The following FBN3 variants were observed in gnomAD, a reference collection of about 807,000 sequenced individuals.
The protein encoded by FBN3 is fibrillin-3.
In FBN3, 234 loss-of-function variants were observed where a neutral mutation model predicts 330.1. That is an observed-to-expected ratio of 0.71 (90% confidence interval 0.64 to 0.79). The LOEUF (loss-of-function observed/expected upper bound fraction) is 0.79, where lower values mean the gene tolerates loss of function less well. Ranked by LOEUF, FBN3 falls within the 30% of genes least tolerant of loss-of-function variation. FBN3 has a pLI of 0.00. For missense variants in FBN3, 3,606 were observed against 3,886.9 expected (o/e 0.93, Z 1.92); for synonymous variants, 1,458 against 1,517.3 (o/e 0.96, Z 0.91).
chr19:8,105,255 T>C (rs2082414301), intron 38 of FBN3, among the ~76,000 whole-genome samples: 1 of 151,394 alleles, frequency 6.6e-6, no homozygotes, highest in South Asian at 2.1e-4. Flanking sequence ...GCCCAGTCTT[T>C]TTTTTCTTTT....
intron 13 of FBN3, 25 bp downstream of exon 13, chr19:8,135,936 G>GGGGGGGGGGGGGGGGGGGGGGGGCCCCC: frequency 4.5e-6 from 3 of 668,776 alleles, no homozygotes; most frequent in South Asian, 1.6e-5. Context: ...GGAAGCCCCT[G>GGGGGGGGGGGGGGGGGGGGGGGGCCCCC]CCCACCCGCC....
rs997965759 is a variant in FBN3, at chr19:8,067,123, C to CTTTTTTTTTTTTTTTTTT, written c.8089-864_8089-863insAAAAAAAAAAAAAAAAAA. ...GGACAGGATTTCTTTGTTTCTTCTT[C>CTTTTTTTTTTTTTTTTTT]TTTTTCTTTTTTTTTTTTTTTTGAG... On this transcript the variant is annotated intron_variant, in intron 63 of 63. Transcript: ENST00000600128. Among the ~76,000 whole-genome samples, 2 of 147,424 alleles carry CTTTTTTTTTTTTTTTTTT rather than the reference C, an allele frequency of 1.4e-5. 1 individual carries two copies. Among genetic ancestry groups the CTTTTTTTTTTTTTTTTTT allele is most frequent in the Non-Finnish European group, 3.0e-5 (2 of 66,566 alleles).
intron 13 of FBN3, among the ~76,000 whole-genome samples, chr19:8,134,512 C>G (rs1313142652): frequency 6.6e-6 from 1 of 152,010 alleles, no homozygotes; most frequent in Admixed American, 6.5e-5. Flanking sequence ...CCCCAGGGCC[C>G]CTCCCTGGGG....
intron 5 of FBN3, 141 bp downstream of exon 5, chr19:8,145,702 A>ATT: frequency 1.9e-6 from 1 of 536,030 alleles, no homozygotes; most frequent in Non-Finnish European, 3.3e-6. Context: ...AAAAAAAAAG[A>ATT]GACTGTGGCA....
intron 59 of FBN3, among the ~76,000 whole-genome samples, chr19:8,077,786 A>G (rs2081675445): frequency 6.6e-6 from 1 of 151,826 alleles, no homozygotes; most frequent in Non-Finnish European, 1.5e-5. Flanking sequence ...TCTGGCCAGA[A>G]GAAATGTCTG....
intron 18 of FBN3, among the ~76,000 whole-genome samples, chr19:8,128,053 T>C (rs937380144): frequency 1.3e-5 from 2 of 152,158 alleles, no homozygotes; most frequent in Non-Finnish European, 2.9e-5. Flanking sequence ...AACAGCCAGA[T>C]GGAAGAGATG....
chr19:8,089,924 C>A lies in FBN3; in HGVS notation c.6220G>T (p.Ala2074Ser). The A allele has an allele frequency of 6.2e-7, 1 of 1,606,826 alleles. No homozygotes were observed. Among genetic ancestry groups the A allele is most frequent in the Non-Finnish European group, 8.5e-7 (1 of 1,177,384 alleles). Reference sequence around the variant, plus strand: ...CGGGAGTCATCCGGGCCTGGGACTGCCCCGTGGCCAAAGGGGCAGAGCTCC... The same window carrying A: ...CGGGAGTCATCCGGGCCTGGGACTGACCCGTGGCCAAAGGGGCAGAGCTCC... ...FQELCPFGHG[A>S]VPGPDDSRED... Residue 2074 changes from alanine to serine, a missense_variant, in exon 50 of 64, where the codon GCA becomes TCA. Physicochemically the swap from Ala to Ser is moderately conservative, Grantham distance 99 (BLOSUM62 1). Transcript: ENST00000600128.
Position 8,096,716 on chromosome 19 carries a change from G to T in FBN3, c.5414-147C>A, listed in dbSNP as rs571423767. The T allele has an allele frequency of 2.6e-5, 34 of 1,311,930 alleles. No homozygotes were observed. The African/African-American group carries it at 4.5e-4, about 18-fold the overall frequency. 81.3% of individuals were successfully genotyped at this position (1,311,930 alleles called of 1,614,324 possible). The stretch of plus-strand genomic sequence containing the variant: ...GGCGTCAGGCTGTCTGCATGGACCT[G>T]AGCTCTCACCTCTATCACATCCTAT... On this transcript the variant is annotated intron_variant, in intron 43 of 63. Coordinates refer to ENST00000600128, the MANE Select transcript of FBN3 (RefSeq NM_032447.5). The surrounding 1 kb of genome is among the most constrained non-coding windows in gnomAD (Gnocchi z 4.6).
At position 8,103,674 on chromosome 19, in the gene FBN3, G is replaced by A; in HGVS notation, c.4827C>T (p.Cys1609=). 2 of 1,613,392 alleles carry A rather than the reference G, an allele frequency of 1.2e-6. No homozygotes were observed. Among genetic ancestry groups the A allele is most frequent in the Non-Finnish European group, 1.7e-6 (2 of 1,179,528 alleles). The part of the protein sequence containing the change: ...HTRICEDIDE[C]STHSGICGPG... ...GGCCACAGATGCCGGAGTGTGTGGA[G>A]CATTCGTCAATATCTGCAGGGAAAG... Residue 1609 remains cysteine (C), a synonymous_variant, in exon 39 of 64, where the codon TGC becomes TGT. Coordinates refer to ENST00000600128, the MANE Select transcript of FBN3 (RefSeq NM_032447.5).
At chr19:8,142,594 C>T (rs2145045795) in intron 6 of FBN3, among the ~76,000 whole-genome samples, 1 of 152,248 alleles carries the variant, frequency 6.6e-6, no homozygotes, top group African/African-American at 2.4e-5. Context: ...CATCACATCC[C>T]CAATCCCCAT....
At chr19:8,085,309 G>T in intron 56 of FBN3, 54 bp downstream of exon 56, 1 of 1,479,308 alleles carries the variant, frequency 6.8e-7, no homozygotes. Flanking sequence ...ATGACCCTGA[G>T]CAAACTCCCC....
Position 8,100,957 on chromosome 19 carries a change from A to G in FBN3, c.5105T>C (p.Leu1702Pro). 1.9e-6 allele frequency: 3 copies of G among 1,613,776 alleles called. No individual in the cohort carries two copies. The highest frequency in any genetic ancestry group is 2.5e-6 in the Non-Finnish European group (3 of 1,179,858). Residue 1702 changes from leucine to proline, a missense_variant, in exon 41 of 64, where the codon CTG becomes CCG. Coordinates refer to ENST00000600128, the MANE Select transcript of FBN3 (RefSeq NM_032447.5). The stretch of plus-strand genomic sequence containing the variant: ...GAATCCCGGGGCCTGATTTCCACAC[A>G]GGATCTGGTAGTCAGCTGCGCAAAG... ...PTPISPDYQI[L>P]CGNQAPGFLT... is the part of the protein sequence containing the mutation.
chr19:8,087,015 T>C, intron 54 of FBN3, 62 bp downstream of exon 54: 1 of 1,561,474 alleles, frequency 6.4e-7, no homozygotes, highest in South Asian at 1.2e-5. Context: ...CCAACCCTCT[T>C]GCTTTGACCT....
At chr19:8,085,803 G>C (rs889398675) in intron 55 of FBN3, among the ~76,000 whole-genome samples, 7 of 152,028 alleles carry the variant, frequency 4.6e-5, no homozygotes, top group Non-Finnish European at 7.4e-5. Context: ...TAAGTTGGAG[G>C]AGGCATGGAG....
intron 57 of FBN3, 122 bp from the exon 58 acceptor site, chr19:8,081,602 A>G: frequency 8.5e-7 from 1 of 1,171,868 alleles, no homozygotes; most frequent in Non-Finnish European, 1.2e-6. Flanking sequence ...ACAGGAATGA[A>G]CACTTCTTTC....
At chr19:8,107,016 G>A (rs1033661973) in intron 37 of FBN3, among the ~76,000 whole-genome samples, 4 of 150,440 alleles carry the variant, frequency 2.7e-5, no homozygotes, top group Non-Finnish European at 4.4e-5. Context: ...ATGAAGGATG[G>A]GGGGTGGATG....
intron 13 of FBN3, among the ~76,000 whole-genome samples, chr19:8,134,412 C>T (rs1054585359): frequency 6.6e-6 from 1 of 152,176 alleles, no homozygotes; most frequent in Admixed American, 6.5e-5. Flanking sequence ...CATTATTCGG[C>T]CATGAAAAAG....
rs1412507350 is a variant in FBN3, at chr19:8,130,666, A to G, written c.2044+569T>C. On this transcript the variant is annotated intron_variant, in intron 16 of 63. Coordinates refer to ENST00000600128, the MANE Select transcript of FBN3 (RefSeq NM_032447.5). ...AAAGGAAAGGAAAGGAAAGGAAAAG[A>G]AAAGAAAAGAAAAGAAAAGAAAAGA... Among the ~76,000 whole-genome samples, 4 of 114,050 alleles carry G rather than the reference A, an allele frequency of 3.5e-5. 1 individual carries two copies. The highest frequency in any genetic ancestry group is 1.1e-4 in the African/African-American group (3 of 26,316). The allele number at this position is 114,050 out of a possible 152,430, so 74.8% of individuals were successfully genotyped here. A position where few individuals can be genotyped will look rare whatever the true frequency, so the allele number is the denominator to read the frequency against.
In FBN3 at chr19:8,131,624, G is replaced by A. The variant is rs12974280; in HGVS notation, c.1920C>T (p.Ser640=). The A allele has an allele frequency of 2.5e-6, 4 of 1,614,022 alleles. No homozygotes were observed. The highest frequency in any genetic ancestry group is 1.1e-5 in the South Asian group (1 of 91,064). The change falls in exon 15 of 64, where the codon TCC becomes TCT. Residue 640 remains serine, a synonymous_variant. Coordinates refer to ENST00000600128, the MANE Select transcript of FBN3 (RefSeq NM_032447.5). The surrounding 1 kb of genome is among the most constrained non-coding windows in gnomAD (Gnocchi z 4.5). The part of the protein sequence containing the change: ...ARPFPGTVTK[S]ECCCANPDHG... ...GGTCCGGATTGGCACAGCAGCACTC[G>A]GACTTGGTGACAGTGCCAGGGAAGG...
Sources: gnomAD v4.1 joint callset for allele counts (sites outside exome capture counted in the v4.1 genomes callset) on GRCh38, gnomAD v4.1.1 for gene constraint, Gnocchi (gnomAD v3.1) non-coding constraint, MANE v1.5 for transcripts, NCBI Gene and HGNC (gene_info 2026-07-23, HGNC 2026-07-21) for gene names.